Variants in INPP5A observed in about 807,000 individuals in gnomAD.
INPP5A encodes 43 kDa inositol polyphosphate 5-phophatase.
INPP5A carries 14 observed loss-of-function variants against 65.2 expected under a neutral mutation model. The ratio of observed to expected loss-of-function variants is 0.21; its 90% CI spans 0.14 to 0.34. The LOEUF (loss-of-function observed/expected upper bound fraction) is 0.34, where lower values mean the gene tolerates loss of function less well. Ranked by LOEUF, INPP5A falls within the 10% of genes least tolerant of loss-of-function variation. INPP5A has a pLI of 1.00. For synonymous variants in INPP5A, 207 were observed against 208.3 expected (o/e 0.99, Z 0.05); for missense variants, 431 against 545.6 (o/e 0.79, Z 2.09).
At position 132,717,758 on chromosome 10, in the gene INPP5A, C is replaced by A. The variant is rs191869323; in HGVS notation, c.647+7302C>A. Among the ~76,000 whole-genome samples, 271 of 141,546 alleles carry A rather than the reference C, an allele frequency of 1.9e-3. 9 individuals carry two copies. Among genetic ancestry groups the A allele is most frequent in the African/African-American group, 7.1e-3 (256 of 36,018 alleles). 92.9% of individuals were successfully genotyped at this position (141,546 alleles called of 152,430 possible). On this transcript the variant is annotated intron_variant, in intron 8 of 15. Coordinates refer to ENST00000368594, the MANE Select transcript of INPP5A (RefSeq NM_005539.5). ...CAGCTGTCTTCAGGGTTCTGTGGTA[C>A]CTGGGTTCTGTCTGGGCACCTTAGA...
intron 9 of INPP5A, among the ~76,000 whole-genome samples, chr10:132,744,476 C>T (rs920885953): frequency 5.9e-5 from 9 of 152,234 alleles, no homozygotes; most frequent in East Asian, 1.9e-4. Flanking sequence ...GCGGACATCC[C>T]GTTCATGGTG....
At chr10:132,687,059 C>G (rs969099533) in intron 4 of INPP5A, among the ~76,000 whole-genome samples, 2 of 152,256 alleles carry the variant, frequency 1.3e-5, no homozygotes, top group African/African-American at 4.8e-5. Context: ...ATTCTCCTGC[C>G]TCAGCCTCCC....
chr10:132,750,720 G>A (rs949987131), intron 11 of INPP5A, among the ~76,000 whole-genome samples: 8 of 152,184 alleles, frequency 5.3e-5, no homozygotes, highest in Non-Finnish European at 1.2e-4. Context: ...ACGTGATGCC[G>A]TGTGCAACGA....
At chr10:132,654,905 C>G (rs1475725654) in intron 4 of INPP5A, among the ~76,000 whole-genome samples, 1 of 152,228 alleles carries the variant, frequency 6.6e-6, no homozygotes, top group African/African-American at 2.4e-5. Flanking sequence ...GGAGATGGCG[C>G]CCACGCAGCG....
intron 5 of INPP5A, among the ~76,000 whole-genome samples, chr10:132,691,359 C>G (rs1259792356): frequency 1.3e-5 from 2 of 152,210 alleles, no homozygotes; most frequent in African/African-American, 2.4e-5. Flanking sequence ...CACAGAATTG[C>G]AGGAGCCGGC....
At chr10:132,699,583 C>T (rs916081106) in intron 6 of INPP5A, among the ~76,000 whole-genome samples, 8 of 152,194 alleles carry the variant, frequency 5.3e-5, no homozygotes, top group Admixed American at 5.2e-4. Flanking sequence ...CTGTCCACTC[C>T]GGATGGGGTA....
Position 132,773,677 on chromosome 10 carries a change from G to A in INPP5A, c.978-3994G>A, listed in dbSNP as rs112162321. ...TCATACAGACTGTGGGACCTGTGCC[G>A]AGGGGGAGGACAGTGAGGGAACCCG... is the stretch of plus-strand genomic sequence containing the variant. On this transcript the variant is annotated intron_variant, in intron 12 of 15. Transcript: ENST00000368594. Among the ~76,000 whole-genome samples the A allele has an allele frequency of 7.6e-4, 115 of 152,310 alleles. 1 individual carries two copies. Among genetic ancestry groups the A allele is most frequent in the African/African-American group, 2.4e-3 (99 of 41,562 alleles).
chr10:132,542,367 G>A (rs537130502), intron 1 of INPP5A, among the ~76,000 whole-genome samples: 35 of 152,368 alleles, frequency 2.3e-4, no homozygotes, highest in African/African-American at 7.9e-4. Context: ...CTGGAAGAGC[G>A]TGGAGGTGGC....
intron 8 of INPP5A, among the ~76,000 whole-genome samples, chr10:132,718,426 C>G (rs1258223641): frequency 6.8e-6 from 1 of 147,708 alleles, no homozygotes; most frequent in East Asian, 2.0e-4. Flanking sequence ...TCTGTGGTAC[C>G]TGGGTTCTGT....
At chr10:132,768,513 C>T (rs561756145) in intron 12 of INPP5A, among the ~76,000 whole-genome samples, 108 of 152,364 alleles carry the variant, frequency 7.1e-4, no homozygotes, top group African/African-American at 2.4e-3. Flanking sequence ...TCTGCCCTGG[C>T]GGGGGGTCCC....
intron 4 of INPP5A, among the ~76,000 whole-genome samples, chr10:132,669,311 C>A (rs1230283952): frequency 6.6e-6 from 1 of 152,178 alleles, no homozygotes; most frequent in Non-Finnish European, 1.5e-5. Context: ...TGGGAAGTAG[C>A]CCCGTGAGCG....
At chr10:132,685,327 G>A (rs923859048) in intron 4 of INPP5A, among the ~76,000 whole-genome samples, 10 of 152,354 alleles carry the variant, frequency 6.6e-5, no homozygotes, top group Middle Eastern at 3.4e-3. Flanking sequence ...CTGTGGTCAC[G>A]CCCGCGACGC....
chr10:132,724,410 G>C (rs573750750), intron 8 of INPP5A, among the ~76,000 whole-genome samples: 6 of 152,240 alleles, frequency 3.9e-5, no homozygotes, highest in Admixed American at 6.5e-5. Context: ...CTCCATGCCC[G>C]CGTGGGGACT....
At chr10:132,649,874 G>A (rs915563019) in intron 3 of INPP5A, among the ~76,000 whole-genome samples, 3 of 152,130 alleles carry the variant, frequency 2.0e-5, no homozygotes. Flanking sequence ...TAGGATGAAC[G>A]GTCGGGGACA....
At chr10:132,588,177 G>C (rs2071571854) in intron 1 of INPP5A, among the ~76,000 whole-genome samples, 1 of 152,192 alleles carries the variant, frequency 6.6e-6, no homozygotes, top group South Asian at 2.1e-4. Context: ...TTTTGTCTCT[G>C]TATTTGATGA....
Position 132,576,014 on chromosome 10 carries a change from C to A in INPP5A, c.76-31901C>A. Among the ~76,000 whole-genome samples, 2 of 152,174 alleles carry A rather than the reference C, an allele frequency of 1.3e-5. 1 individual carries two copies. Among genetic ancestry groups the A allele is most frequent in the Non-Finnish European group, 2.9e-5 (2 of 68,028 alleles). On this transcript the variant is annotated intron_variant, in intron 1 of 15. Coordinates refer to ENST00000368594, the MANE Select transcript of INPP5A (RefSeq NM_005539.5). The stretch of plus-strand genomic sequence containing the variant: ...CTGCCCCCTGCCCACATCCCTCCAC[C>A]ACAGATGCCACCTGACCTGCAGCTA...
chr10:132,649,878 G>A (rs545701575), intron 3 of INPP5A, among the ~76,000 whole-genome samples: 1 of 152,244 alleles, frequency 6.6e-6, no homozygotes, highest in Admixed American at 6.5e-5. Context: ...ATGAACGGTC[G>A]GGGACAATGG....
chr10:132,773,584 G>A (rs1846993037), intron 12 of INPP5A, among the ~76,000 whole-genome samples: 1 of 152,222 alleles, frequency 6.6e-6, no homozygotes. Flanking sequence ...CTGCCTGCGA[G>A]CTGGGTGCTC....
intron 5 of INPP5A, among the ~76,000 whole-genome samples, chr10:132,695,497 G>A (rs1321110606): frequency 6.6e-6 from 1 of 152,184 alleles, no homozygotes; most frequent in African/African-American, 2.4e-5. Context: ...CTTAGATAAT[G>A]TAATAAGACA....
Sources: allele counts gnomAD v4.1 joint callset (sites outside exome capture counted in the v4.1 genomes callset), GRCh38; gene constraint gnomAD v4.1.1; transcripts MANE v1.5; gene names NCBI Gene and HGNC (gene_info 2026-07-23, HGNC 2026-07-21).